POFUT1: variants seen among roughly 807,000 people sequenced by gnomAD.
POFUT1 encodes the protein GDP-fucose protein O-fucosyltransferase 1.
POFUT1 carries 16 observed loss-of-function variants against 42.4 expected under a neutral mutation model. The ratio of observed to expected loss-of-function variants is 0.38; its 90% CI spans 0.26 to 0.57. The LOEUF is 0.57. Ranked by LOEUF, POFUT1 falls within the 20% of genes least tolerant of loss-of-function variation. The pLI is 0.71. For synonymous variants in POFUT1, 206 were observed against 205.4 expected, an observed-to-expected ratio of 1.00 and a Z score of -0.03; for missense variants, 470 against 504.6, an observed-to-expected ratio of 0.93 and a Z score of 0.66.
intron 4 of POFUT1, among the ~76,000 whole-genome samples, chr20:32,227,181 G>A (rs2047418694): frequency 6.6e-6 from 1 of 152,120 alleles, no homozygotes; most frequent in African/African-American, 2.4e-5. Flanking sequence ...GGTAGTCTGG[G>A]TTTAGCTGAA....
chr20:32,208,029 G>A lies in POFUT1; in HGVS notation c.88G>A (p.Asp30Asn). The A allele has an allele frequency of 6.4e-7, 1 of 1,573,484 alleles. No individual in the cohort carries two copies. Among genetic ancestry groups the A allele is most frequent in the Non-Finnish European group, 8.6e-7 (1 of 1,163,618 alleles). The change falls in exon 1 of 7, where the codon GAC (aspartate) becomes AAC (asparagine). Residue 30 changes from aspartate to asparagine, a missense_variant. Transcript: ENST00000375749. ...CCCGGGGATGCCTGCGGGCTCCTGG[G>A]ACCCGGCCGGTTACCTGCTCTACTG... is the stretch of plus-strand genomic sequence containing the variant. ...PLPGMPAGSW[D>N]PAGYLLYCPC... is the part of the protein sequence containing the mutation.
chr20:32,221,528 C>T (rs142285630), intron 4 of POFUT1, among the ~76,000 whole-genome samples: 63 of 152,012 alleles, frequency 4.1e-4, no homozygotes, highest in African/African-American at 1.5e-3. Flanking sequence ...GCCTGGGCAA[C>T]GTAGGGAGAC....
intron 4 of POFUT1, among the ~76,000 whole-genome samples, chr20:32,218,218 C>G (rs1200376538): frequency 6.6e-6 from 1 of 152,092 alleles, no homozygotes; most frequent in Non-Finnish European, 1.5e-5. Flanking sequence ...CTCACTATAA[C>G]CTCAAATCCC....
chr20:32,208,696 T>C (rs2047309174), intron 1 of POFUT1, among the ~76,000 whole-genome samples: 1 of 148,178 alleles, frequency 6.7e-6, no homozygotes. Flanking sequence ...CGTGTGCTTG[T>C]AGTCCCTTGG....
chr20:32,221,127 G>A lies in POFUT1; in HGVS notation c.542+4406G>A, dbSNP rs148731966. ...GAGGTGGGCAGGGGTCAAAACACGCGGGTTTATAGGCCCTGTGAGGCAATC... is the reference window on the plus strand; with the variant it reads ...GAGGTGGGCAGGGGTCAAAACACGCAGGTTTATAGGCCCTGTGAGGCAATC... On this transcript the variant is annotated intron_variant, in intron 4 of 6. Coordinates refer to ENST00000375749, the MANE Select transcript of POFUT1 (RefSeq NM_015352.2). Among the ~76,000 whole-genome samples, 8 of 152,250 alleles carry A rather than the reference G, an allele frequency of 5.3e-5. No homozygotes were observed. In the South Asian group the frequency reaches 6.2e-4, roughly 12 times the overall value.
chr20:32,218,162 G>A (rs934083056), intron 4 of POFUT1, among the ~76,000 whole-genome samples: 3 of 152,124 alleles, frequency 2.0e-5, no homozygotes, highest in Non-Finnish European at 2.9e-5. Context: ...TATTTGAAAT[G>A]GGTCTTGCTT....
intron 4 of POFUT1, among the ~76,000 whole-genome samples, chr20:32,226,811 T>C (rs1234545769): frequency 2.0e-5 from 3 of 152,196 alleles, no homozygotes; most frequent in African/African-American, 7.2e-5. Flanking sequence ...TATTCCATGA[T>C]ACAGAGGTAC....
rs1326682291 is a variant in POFUT1, at chr20:32,217,111, A to G, written c.542+390A>G. 4.4e-6 allele frequency: 7 copies of G among 1,602,014 alleles called. No homozygotes were observed. The African/African-American group carries it at 8.1e-5, about 19-fold the overall frequency. On this transcript the variant is annotated intron_variant, in intron 4 of 6. Transcript: ENST00000375749. ...CAGACCGAGAAATGACGTCATCCTG[A>G]TAATTATTGGACGTGTTTATTAATT... is the stretch of plus-strand genomic sequence containing the variant.
chr20:32,234,540 A>G lies in POFUT1; in HGVS notation c.1046A>G (p.His349Arg), dbSNP rs1375954980. 1 of 1,614,046 alleles carries G rather than the reference A, an allele frequency of 6.2e-7. No homozygotes were observed. Among genetic ancestry groups the G allele is most frequent in the Non-Finnish European group, 8.5e-7 (1 of 1,180,000 alleles). ...VDLYILGQAD[H>R]FIGNCVSSFT... ...CTGTACATCCTCGGCCAAGCCGACC[A>G]CTTTATTGGCAACTGTGTCTCCTCC... Residue 349 changes from histidine to arginine, a missense_variant, in exon 7 of 7, where the codon CAC becomes CGC. His to Arg is a conservative substitution (Grantham distance 29, BLOSUM62 0). Transcript: ENST00000375749.
intron 4 of POFUT1, among the ~76,000 whole-genome samples, chr20:32,225,211 A>G (rs1258098908): frequency 6.6e-6 from 1 of 152,018 alleles, no homozygotes; most frequent in Non-Finnish European, 1.5e-5. Context: ...ATTTTTTGAG[A>G]CGGAGTCTTG....
In POFUT1 at chr20:32,234,182, G is replaced by A. The variant is rs141597322; in HGVS notation, c.979-291G>A. On this transcript the variant is annotated intron_variant, in intron 6 of 6. Transcript: ENST00000375749. ...ATTAATAAAATAAAAGAGTCTGGTC[G>A]GTATTTTAATGGGTGTTGAAGCAGC... Among the ~76,000 whole-genome samples, 124 of 152,286 alleles carry A rather than the reference G, an allele frequency of 8.1e-4. 1 individual carries two copies. In the Middle Eastern group the frequency reaches 0.02, roughly 25 times the overall value.
chr20:32,228,494 G>A lies in POFUT1; in HGVS notation c.735+39G>A, dbSNP rs376044658. ...TCCTCTCTCACTGGCTAACTTGGATGTGTCCCTGAGCATGGCCCTGGCCTG... is the reference window on the plus strand; with the variant it reads ...TCCTCTCTCACTGGCTAACTTGGATATGTCCCTGAGCATGGCCCTGGCCTG... On this transcript the variant is annotated intron_variant, in intron 5 of 6. Coordinates refer to ENST00000375749, the MANE Select transcript of POFUT1 (RefSeq NM_015352.2). 458 of 1,578,540 alleles carry A rather than the reference G, an allele frequency of 2.9e-4. 1 individual carries two copies. Among genetic ancestry groups the A allele is most frequent in the Non-Finnish European group, 2.5e-4 (285 of 1,152,754 alleles).
At chr20:32,228,231 C>T (rs755427345) in intron 4 of POFUT1, 32 bp from the exon 5 acceptor site, 2 of 1,589,698 alleles carry the variant, frequency 1.3e-6, no homozygotes, top group East Asian at 2.2e-5. Flanking sequence ...TCTGTGCGTC[C>T]TCTGACTTCC....
intron 4 of POFUT1, among the ~76,000 whole-genome samples, chr20:32,225,253 G>A (rs1291486525): frequency 6.6e-6 from 1 of 151,900 alleles, no homozygotes; most frequent in Non-Finnish European, 1.5e-5. Flanking sequence ...GCAGTGGCAC[G>A]ATCTCAGCTC....
intron 4 of POFUT1, chr20:32,217,124 G>A (rs1269374006): frequency 1.3e-5 from 20 of 1,591,742 alleles, no homozygotes; most frequent in African/African-American, 5.4e-5. Flanking sequence ...ATTATTGGAC[G>A]TGTTTATTAA....
chr20:32,227,789 G>GT (rs2047422284), intron 4 of POFUT1, among the ~76,000 whole-genome samples: 1 of 152,164 alleles, frequency 6.6e-6, no homozygotes, highest in African/African-American at 2.4e-5. Context: ...ATCAATAAAT[G>GT]TTTTTTAAAT....
chr20:32,225,602 T>G (rs951650239), intron 4 of POFUT1, among the ~76,000 whole-genome samples: 11 of 152,144 alleles, frequency 7.2e-5, no homozygotes, highest in Non-Finnish European at 1.3e-4. Flanking sequence ...GATTTTCCCA[T>G]GTAGCCTCCT....
At chr20:32,225,379 G>A (rs2047409640) in intron 4 of POFUT1, among the ~76,000 whole-genome samples, 1 of 151,936 alleles carries the variant, frequency 6.6e-6, no homozygotes, top group Admixed American at 6.6e-5. Context: ...AGTAGAGACG[G>A]GGTTTCGCCG....
chr20:32,211,151 G>C (rs1156454738), intron 2 of POFUT1, among the ~76,000 whole-genome samples: 1 of 152,214 alleles, frequency 6.6e-6, no homozygotes, highest in Admixed American at 6.5e-5. Context: ...TGTGTCAGTG[G>C]CAGTAACACG....
Sources: gnomAD v4.1 joint callset for allele counts (sites outside exome capture counted in the v4.1 genomes callset) on GRCh38, gnomAD v4.1.1 for gene constraint, MANE v1.5 for transcripts, NCBI Gene and HGNC (gene_info 2026-07-23, HGNC 2026-07-21) for gene names.